OTUD7A: variants seen among roughly 807,000 people sequenced by gnomAD.
OTUD7A encodes OTU deubiquitinase 7A, also known as OTU domain-containing protein 7A.
In OTUD7A, 12 loss-of-function variants were observed where a neutral mutation model predicts 65.7. The ratio of observed to expected loss-of-function variants is 0.18; its 90% CI spans 0.12 to 0.30. The LOEUF (loss-of-function observed/expected upper bound fraction) is 0.30. Among genes scored for constraint, OTUD7A ranks in the 10% least tolerant of loss-of-function variants. OTUD7A has a pLI of 1.00. For synonymous variants in OTUD7A, 641 were observed against 586.3 expected (o/e 1.09, Z -1.35); for missense variants, 1,148 against 1,304.8 (o/e 0.88, Z 1.85).
intron 3 of OTUD7A, among the ~76,000 whole-genome samples, chr15:31,621,169 G>A (rs1450892525): frequency 2.7e-4 from 41 of 151,894 alleles, no homozygotes; most frequent in Admixed American, 2.6e-3. Context: ...CATTTGCTGA[G>A]GAGTGTTTTA....
intron 1 of OTUD7A, among the ~76,000 whole-genome samples, chr15:31,778,674 G>A (rs1895453846): frequency 6.6e-6 from 1 of 152,120 alleles, no homozygotes; most frequent in Non-Finnish European, 1.5e-5. Flanking sequence ...CCTTAGCCAA[G>A]GGACATTAGG....
chr15:31,814,073 C>T (rs1896489163), intron 1 of OTUD7A, among the ~76,000 whole-genome samples: 1 of 152,236 alleles, frequency 6.6e-6, no homozygotes, highest in African/African-American at 2.4e-5. Context: ...AATAGACCAG[C>T]CGAAACCCTA....
chr15:31,739,383 GAAATA>G (rs2141370929), intron 1 of OTUD7A, among the ~76,000 whole-genome samples: 1 of 152,182 alleles, frequency 6.6e-6, no homozygotes, highest in Non-Finnish European at 1.5e-5. Flanking sequence ...AAAAATTAAT[GAAATA>G]AAATGAAATG....
chr15:31,548,066 A>G (rs1888189847), intron 5 of OTUD7A, among the ~76,000 whole-genome samples: 1 of 132,562 alleles, frequency 7.5e-6, no homozygotes. Flanking sequence ...TTCTGTACGT[A>G]CCATATACTC....
chr15:31,862,055 C>T (rs1351635360), intron 1 of OTUD7A, among the ~76,000 whole-genome samples: 1 of 152,142 alleles, frequency 6.6e-6, no homozygotes, highest in Admixed American at 6.5e-5. Flanking sequence ...GTCATGCCTC[C>T]CCCAGGGGAA....
intron 8 of OTUD7A, among the ~76,000 whole-genome samples, chr15:31,511,902 C>G (rs1595570949): frequency 6.6e-6 from 1 of 152,066 alleles, no homozygotes; most frequent in African/African-American, 2.4e-5. Flanking sequence ...AACCCCCCCG[C>G]CCATGGGGAT....
At chr15:31,590,881 C>A (rs2141197560) in intron 3 of OTUD7A, among the ~76,000 whole-genome samples, 1 of 152,312 alleles carries the variant, frequency 6.6e-6, no homozygotes, top group Admixed American at 6.5e-5. Context: ...ATTCACTGAG[C>A]ATACCCCCAC....
At chr15:31,828,260 T>C (rs1241421737) in intron 1 of OTUD7A, among the ~76,000 whole-genome samples, 1 of 152,212 alleles carries the variant, frequency 6.6e-6, no homozygotes, top group East Asian at 1.9e-4. Context: ...ATTCAATTCT[T>C]CCTCAGACAT....
At chr15:31,744,310 A>C (rs1894419187) in intron 1 of OTUD7A, among the ~76,000 whole-genome samples, 1 of 152,174 alleles carries the variant, frequency 6.6e-6, no homozygotes, top group Non-Finnish European at 1.5e-5. Context: ...GTGAAAAGAA[A>C]AGAACAGATC....
chr15:31,622,502 A>G (rs961833604), intron 3 of OTUD7A, among the ~76,000 whole-genome samples: 1 of 151,994 alleles, frequency 6.6e-6, no homozygotes, highest in African/African-American at 2.4e-5. Context: ...TTCTTGCTTC[A>G]TATCATTCAT....
At chr15:31,563,353 G>C (rs1894221496) in intron 4 of OTUD7A, among the ~76,000 whole-genome samples, 1 of 152,214 alleles carries the variant, frequency 6.6e-6, no homozygotes, top group Non-Finnish European at 1.5e-5. Context: ...GACTGGAAGG[G>C]GTGGTTCCTC....
chr15:31,816,444 A>C (rs1355378135), intron 1 of OTUD7A, among the ~76,000 whole-genome samples: 3 of 152,194 alleles, frequency 2.0e-5, no homozygotes, highest in Non-Finnish European at 4.4e-5. Context: ...TAATCCCAGC[A>C]CTTTGGGAGG....
At chr15:31,503,897 G>C in intron 8 of OTUD7A, 79 bp from the exon 9 acceptor site, 2 of 1,541,788 alleles carry the variant, frequency 1.3e-6, no homozygotes, top group Non-Finnish European at 1.8e-6. Context: ...GCTTCATGCA[G>C]GGGCTGAGCC....
rs1897698885 is a variant in OTUD7A at position 31,860,641 on chromosome 15, A to ATATATATATATATATATATATATG, written c.-100+9865_-100+9866insCATATATATATATATATATATATA. ...AGTGGAGATATATATATATATATATATATGTATGTATGTGTGTATATATAG... is the reference window on the plus strand; with the variant it reads ...AGTGGAGATATATATATATATATATATATATATATATATATATATATATGTATGTATGTATGTGTGTATATATAG... On this transcript the variant is annotated intron_variant, in intron 1 of 12. Coordinates refer to ENST00000307050, the MANE Select transcript of OTUD7A (RefSeq NM_001382637.1). Among the ~76,000 whole-genome samples, 6 of 77,744 alleles carry ATATATATATATATATATATATATG rather than the reference A, an allele frequency of 7.7e-5. 1 individual carries two copies. The highest frequency in any genetic ancestry group is 4.3e-4 in the South Asian group (1 of 2,352). 51.0% of individuals were successfully genotyped at this position (77,744 alleles called of 152,430 possible). A position where few individuals can be genotyped will look rare whatever the true frequency, so the allele number is the denominator to read the frequency against.
intron 5 of OTUD7A, among the ~76,000 whole-genome samples, chr15:31,544,793 C>G (rs1334806031): frequency 1.3e-5 from 2 of 151,798 alleles, no homozygotes; most frequent in Non-Finnish European, 3.0e-5. Context: ...AATTAACAAA[C>G]TTGATATAAT....
intron 1 of OTUD7A, among the ~76,000 whole-genome samples, chr15:31,818,666 A>C (rs1419896308): frequency 6.6e-6 from 1 of 152,186 alleles, no homozygotes; most frequent in East Asian, 1.9e-4. Context: ...TTGGACCTGC[A>C]GTGTGACAGC....
chr15:31,520,851 T>C (rs2041927054), intron 8 of OTUD7A, among the ~76,000 whole-genome samples: 1 of 152,160 alleles, frequency 6.6e-6, no homozygotes, highest in Non-Finnish European at 1.5e-5. Context: ...TCTAACACTA[T>C]TCACAATGGC....
At chr15:31,660,395 T>G (rs186154187) in intron 1 of OTUD7A, among the ~76,000 whole-genome samples, 216 of 152,298 alleles carry the variant, frequency 1.4e-3, no homozygotes, top group African/African-American at 4.9e-3. Flanking sequence ...GATGCCACAT[T>G]AGGGAAACAC....
intron 1 of OTUD7A, among the ~76,000 whole-genome samples, chr15:31,814,126 T>A (rs1043177085): frequency 1.3e-5 from 2 of 152,236 alleles, no homozygotes; most frequent in African/African-American, 4.8e-5. Context: ...GCATGCTAAT[T>A]ATGCACTATA....
Sources: allele counts gnomAD v4.1 joint callset (sites outside exome capture counted in the v4.1 genomes callset), GRCh38; gene constraint gnomAD v4.1.1; transcripts MANE v1.5; gene names NCBI Gene and HGNC (gene_info 2026-07-23, HGNC 2026-07-21).